Variants in PTPRN2 observed in about 807,000 individuals in gnomAD.
PTPRN2 encodes the protein receptor-type tyrosine-protein phosphatase N2.
A neutral mutation model predicts 118.8 loss-of-function variants in PTPRN2; 74 were observed. The observed-to-expected ratio is 0.62, with a 90% CI of 0.52 to 0.76. The LOEUF (loss-of-function observed/expected upper bound fraction) is 0.76. Among genes scored for constraint, PTPRN2 ranks in the 30% least tolerant of loss-of-function variants. The pLI, the probability that PTPRN2 is intolerant of heterozygous loss-of-function variation, is 0.00. For missense variants in PTPRN2, 1,481 were observed against 1,394.4 expected (o/e 1.06, Z -0.99); for synonymous variants, 641 against 608.0 (o/e 1.05, Z -0.80).
At chr7:157,775,980 G>A (rs1042968263) in intron 12 of PTPRN2, among the ~76,000 whole-genome samples, 5 of 151,526 alleles carry the variant, frequency 3.3e-5, no homozygotes, top group Admixed American at 1.3e-4. Flanking sequence ...GGCTGGGCCC[G>A]GGGGGATAGC....
intron 12 of PTPRN2, among the ~76,000 whole-genome samples, chr7:157,810,255 G>T (rs184191300): frequency 2.0e-5 from 3 of 152,260 alleles, no homozygotes; most frequent in African/African-American, 7.2e-5. Flanking sequence ...CATCATGGTC[G>T]CAGCGCACCA....
At chr7:157,820,111 A>G (rs1161826608) in intron 12 of PTPRN2, among the ~76,000 whole-genome samples, 9 of 151,226 alleles carry the variant, frequency 6.0e-5, no homozygotes, top group African/African-American at 1.9e-4. Flanking sequence ...CCACACTCAC[A>G]CATGCACTCC....
intron 12 of PTPRN2, among the ~76,000 whole-genome samples, chr7:157,795,510 G>A (rs1348981290): frequency 6.6e-6 from 1 of 152,208 alleles, no homozygotes; most frequent in Admixed American, 6.5e-5. Flanking sequence ...TTCTGTACTC[G>A]GCAGTCATTT....
intron 21 of PTPRN2, among the ~76,000 whole-genome samples, chr7:157,557,181 G>C (rs188073582): frequency 7.3e-4 from 108 of 148,760 alleles, no homozygotes; most frequent in African/African-American, 2.6e-3. Context: ...ACACAGGCAT[G>C]CACACACCAC....
chr7:157,762,747 T>TAA (rs537774882), intron 12 of PTPRN2, among the ~76,000 whole-genome samples: 2 of 144,114 alleles, frequency 1.4e-5, no homozygotes, highest in Non-Finnish European at 3.1e-5. Context: ...AGTATAATAA[T>TAA]AAAAAAAAAA....
At chr7:158,318,145 C>T (rs1802501550) in intron 2 of PTPRN2, among the ~76,000 whole-genome samples, 1 of 152,074 alleles carries the variant, frequency 6.6e-6, no homozygotes. Context: ...TCTGCAGAGC[C>T]CGGCGCCCCC....
At chr7:158,020,699 A>T (rs1806811095) in intron 11 of PTPRN2, among the ~76,000 whole-genome samples, 1 of 152,196 alleles carries the variant, frequency 6.6e-6, no homozygotes, top group Non-Finnish European at 1.5e-5. Context: ...GCCAACACCC[A>T]ATGATTATGG....
intron 2 of PTPRN2, among the ~76,000 whole-genome samples, chr7:158,338,319 A>C (rs1806085871): frequency 6.1e-5 from 3 of 49,336 alleles, no homozygotes; most frequent in Admixed American, 2.1e-4. Context: ...CTGTCACCAT[A>C]AGAGCTGACA....
At chr7:158,362,554 A>T (rs970781469) in intron 2 of PTPRN2, among the ~76,000 whole-genome samples, 2 of 152,262 alleles carry the variant, frequency 1.3e-5, no homozygotes, top group Non-Finnish European at 2.9e-5. Context: ...GGCACAAATT[A>T]GGTGTCCCCT....
At chr7:158,352,352 G>A (rs1018583647) in intron 2 of PTPRN2, among the ~76,000 whole-genome samples, 4 of 119,296 alleles carry the variant, frequency 3.4e-5, no homozygotes, top group East Asian at 2.5e-4. Context: ...CCTCCTGTCC[G>A]CTCCCCTCCT....
At chr7:158,142,368 C>G (rs919354328) in intron 6 of PTPRN2, among the ~76,000 whole-genome samples, 7 of 152,244 alleles carry the variant, frequency 4.6e-5, no homozygotes, top group Non-Finnish European at 8.8e-5. Flanking sequence ...GCCCAGCCTC[C>G]GGACTGACGC....
chr7:157,708,943 C>T (rs1798463579), intron 12 of PTPRN2, among the ~76,000 whole-genome samples: 1 of 152,222 alleles, frequency 6.6e-6, no homozygotes, highest in African/African-American at 2.4e-5. Context: ...CTAGAGCCTG[C>T]ACCCCACCGA....
chr7:157,673,633 C>T (rs1796518515), intron 13 of PTPRN2, among the ~76,000 whole-genome samples: 1 of 148,818 alleles, frequency 6.7e-6, no homozygotes, highest in African/African-American at 2.4e-5. Context: ...TGCTCCTCTC[C>T]CGCCCCACAG....
intron 11 of PTPRN2, among the ~76,000 whole-genome samples, chr7:157,970,430 A>C (rs985785138): frequency 1.1e-4 from 17 of 152,208 alleles, no homozygotes; most frequent in African/African-American, 4.1e-4. Context: ...GGAAGAAAGA[A>C]GGGGAAAGTC....
At chr7:157,707,897 A>C (rs1489812802) in intron 12 of PTPRN2, among the ~76,000 whole-genome samples, 4 of 152,248 alleles carry the variant, frequency 2.6e-5, no homozygotes, top group Non-Finnish European at 2.9e-5. Flanking sequence ...CCAGAGGAAG[A>C]TTTCTTATGC....
In PTPRN2 at chr7:157,801,770, C is replaced by T. The variant is rs1805321033; in HGVS notation, c.1788+96903G>A. 6.6e-6 allele frequency among the ~76,000 whole-genome samples: 1 copy of T among 152,174 alleles called. No homozygotes were observed. Among genetic ancestry groups the T allele is most frequent in the Non-Finnish European group, 1.5e-5 (1 of 68,026 alleles). On this transcript the variant is annotated intron_variant, in intron 12 of 22. Coordinates refer to ENST00000389418, the MANE Select transcript of PTPRN2 (RefSeq NM_002847.5). The surrounding 1 kb of genome is among the most constrained non-coding windows in gnomAD (Gnocchi z 4.2). ...AGGGTTCTGGGAAGGAAAACGCCCG[C>T]TTAGTGGAAGAACAGAACGGCCGCA...
chr7:157,576,954 A>G (rs945317216), intron 18 of PTPRN2, among the ~76,000 whole-genome samples, 175 bp from the exon 19 acceptor site: 2 of 152,164 alleles, frequency 1.3e-5, no homozygotes, highest in Non-Finnish European at 2.9e-5. Flanking sequence ...CCACCTTCCC[A>G]GTGTTAACGC....
intron 14 of PTPRN2, among the ~76,000 whole-genome samples, chr7:157,654,674 A>C (rs1638025): frequency 0.53 from 80,445 of 152,062 alleles, 22,455 homozygotes; most frequent in East Asian, 0.7. Flanking sequence ...CGGTTTAGGC[A>C]TTCCAGCAGA....
intron 6 of PTPRN2, among the ~76,000 whole-genome samples, chr7:158,163,030 T>C (rs1437036820): frequency 1.3e-5 from 2 of 152,326 alleles, no homozygotes; most frequent in East Asian, 1.9e-4. Context: ...GTGTTGAGAA[T>C]GTCTGTCTAG....
Sources: allele counts gnomAD v4.1 joint callset (sites outside exome capture counted in the v4.1 genomes callset), GRCh38; gene constraint gnomAD v4.1.1; non-coding constraint Gnocchi (gnomAD v3.1); transcripts MANE v1.5; gene names NCBI Gene and HGNC (gene_info 2026-07-23, HGNC 2026-07-21).